AOAH: variants seen among roughly 807,000 people sequenced by gnomAD.
AOAH encodes acyloxyacyl hydrolase.
In AOAH, 64 loss-of-function variants were observed where a neutral mutation model predicts 92.2. That is an observed-to-expected ratio of 0.69 (90% confidence interval 0.57 to 0.86). AOAH has a LOEUF of 0.86. Ranked by LOEUF, AOAH falls within the 40% of genes least tolerant of loss-of-function variation. The probability of loss-of-function intolerance (pLI) is 0.00; values close to 1 mark genes in which losing one functional copy is unlikely to be tolerated. For synonymous variants in AOAH, 263 were observed against 254.5 expected, an observed-to-expected ratio of 1.03 and a Z score of -0.32; for missense variants, 656 against 694.6, an observed-to-expected ratio of 0.94 and a Z score of 0.62.
intron 13 of AOAH, among the ~76,000 whole-genome samples, chr7:36,554,780 C>T (rs1225508581): frequency 6.6e-6 from 1 of 150,906 alleles, no homozygotes; most frequent in African/African-American, 2.4e-5. Context: ...ATTTGGCTCT[C>T]TGTTTGTCTG....
chr7:36,572,584 G>C (rs765561971), intron 13 of AOAH, among the ~76,000 whole-genome samples: 8 of 152,030 alleles, frequency 5.3e-5, no homozygotes, highest in Non-Finnish European at 7.4e-5. Context: ...AAACCACTGA[G>C]TAAATAATAA....
At chr7:36,670,588 C>A (rs1795852516) in intron 3 of AOAH, among the ~76,000 whole-genome samples, 2 of 152,300 alleles carry the variant, frequency 1.3e-5, no homozygotes, top group South Asian at 4.1e-4. Flanking sequence ...GATTCCCCTG[C>A]CTCAAGCTCC....
In AOAH at chr7:36,522,063, G is replaced by A. The variant is rs1257668013; in HGVS notation, c.1575C>T (p.Pro525=). ...RGGQPWQLIE[P]VDGFHPNEVA... ...CCTCGTTGGGGTGGAATCCATCCAC[G>A]GGCTCGATGAGCTGCCAGGGCTGTC... The change falls in exon 20 of 21, where the codon CCC becomes CCT. Residue 525 remains proline, a synonymous_variant. Coordinates refer to ENST00000617537, the MANE Select transcript of AOAH (RefSeq NM_001637.4). 3.1e-6 allele frequency: 5 copies of A among 1,614,006 alleles called. No homozygotes were observed. Among genetic ancestry groups the A allele is most frequent in the African/African-American group, 2.7e-5 (2 of 74,892 alleles).
At chr7:36,700,147 A>G (rs1245347769) in intron 1 of AOAH, among the ~76,000 whole-genome samples, 2 of 151,674 alleles carry the variant, frequency 1.3e-5, no homozygotes, top group African/African-American at 4.8e-5. Context: ...TTTTCCTTTG[A>G]TTTCTTCTTT....
At chr7:36,625,836 T>C (rs1191682753) in intron 6 of AOAH, among the ~76,000 whole-genome samples, 1 of 152,190 alleles carries the variant, frequency 6.6e-6, no homozygotes, top group Non-Finnish European at 1.5e-5. Flanking sequence ...GGAGAGAAGC[T>C]AGGGCAAGAT....
chr7:36,602,478 C>T (rs1225747916), intron 11 of AOAH, among the ~76,000 whole-genome samples: 11 of 146,462 alleles, frequency 7.5e-5, no homozygotes, highest in African/African-American at 2.0e-4. Context: ...GGTGATTGAA[C>T]TTTTTTTTAG....
intron 2 of AOAH, among the ~76,000 whole-genome samples, chr7:36,680,491 C>T (rs1019261420): frequency 6.6e-6 from 1 of 152,142 alleles, no homozygotes; most frequent in African/African-American, 2.4e-5. Context: ...CCTTCTGTCC[C>T]CCATTCACCT....
intron 4 of AOAH, among the ~76,000 whole-genome samples, chr7:36,655,058 T>C (rs986435766): frequency 5.3e-5 from 8 of 152,174 alleles, no homozygotes; most frequent in African/African-American, 1.7e-4. Flanking sequence ...ACCAAGTAAG[T>C]ATGTGCCTGG....
chr7:36,708,266 A>G (rs1798555347), intron 1 of AOAH, among the ~76,000 whole-genome samples: 1 of 152,088 alleles, frequency 6.6e-6, no homozygotes, highest in Non-Finnish European at 1.5e-5. Flanking sequence ...GGTTGGGATA[A>G]TATGTATTGA....
intron 13 of AOAH, among the ~76,000 whole-genome samples, chr7:36,562,423 C>G (rs1787341112): frequency 6.6e-6 from 1 of 152,190 alleles, no homozygotes; most frequent in African/African-American, 2.4e-5. Flanking sequence ...AGTCTATATT[C>G]TGATCCCTGC....
chr7:36,667,035 G>A (rs1237490112), intron 3 of AOAH, among the ~76,000 whole-genome samples: 3 of 152,158 alleles, frequency 2.0e-5, no homozygotes, highest in African/African-American at 4.8e-5. Flanking sequence ...GTATTCTGCT[G>A]TTGTTGGATA....
Position 36,531,719 on chromosome 7 carries a change from G to T in AOAH, c.1425+428C>A, listed in dbSNP as rs17170627. On this transcript the variant is annotated intron_variant, in intron 18 of 20. Transcript: ENST00000617537. The stretch of plus-strand genomic sequence containing the variant: ...TGTAAACCATGTTCTTTGAGCAATG[G>T]ATTCCCTGAGAGAAGGGAGGAAGGT... 7.0e-3 allele frequency among the ~76,000 whole-genome samples: 1,071 copies of T among 152,300 alleles called. 10 individuals are homozygous for T. The highest frequency in any genetic ancestry group is 0.025 in the African/African-American group (1,022 of 41,560).
chr7:36,594,443 A>G lies in AOAH; in HGVS notation c.847-13T>C. 4 of 1,599,512 alleles carry G rather than the reference A, an allele frequency of 2.5e-6. No homozygotes were observed. The highest frequency in any genetic ancestry group is 3.4e-6 in the Non-Finnish European group (4 of 1,166,710). On this transcript the variant is annotated splice_polypyrimidine_tract_variant and intron_variant, in intron 11 of 20. Transcript: ENST00000617537. ...TGATGAAAGAGTTCTAAGGAAAACAATAAAGTAGCAATTATCAAAATGGTC... is the reference window on the plus strand; with the variant it reads ...TGATGAAAGAGTTCTAAGGAAAACAGTAAAGTAGCAATTATCAAAATGGTC...
intron 11 of AOAH, among the ~76,000 whole-genome samples, chr7:36,606,017 A>AT (rs1461697650): frequency 6.6e-6 from 1 of 152,204 alleles, no homozygotes; most frequent in Non-Finnish European, 1.5e-5. Flanking sequence ...AGAAGATGTG[A>AT]TTTTGTCCAG....
At chr7:36,657,527 C>A (rs144228269) in intron 4 of AOAH, among the ~76,000 whole-genome samples, 1 of 152,210 alleles carries the variant, frequency 6.6e-6, no homozygotes, top group African/African-American at 2.4e-5. Context: ...ATGTGTATAC[C>A]CATTGTCCCT....
At chr7:36,633,313 C>T (rs1453343028) in intron 5 of AOAH, among the ~76,000 whole-genome samples, 2 of 152,170 alleles carry the variant, frequency 1.3e-5, no homozygotes, top group African/African-American at 2.4e-5. Flanking sequence ...CATTCTGGTG[C>T]CCACTAAGGC....
At chr7:36,637,202 T>A (rs1245976736) in intron 5 of AOAH, among the ~76,000 whole-genome samples, 2 of 152,172 alleles carry the variant, frequency 1.3e-5, no homozygotes, top group Non-Finnish European at 2.9e-5. Flanking sequence ...GAAACATGAA[T>A]AAAAATTATG....
chr7:36,672,572 C>G (rs532109675), intron 3 of AOAH, among the ~76,000 whole-genome samples: 16 of 152,114 alleles, frequency 1.1e-4, no homozygotes, highest in African/African-American at 3.9e-4. Flanking sequence ...TTGAACAATG[C>G]GAACACATGG....
chr7:36,590,984 A>T (rs1437684296), intron 12 of AOAH, among the ~76,000 whole-genome samples: 1 of 152,238 alleles, frequency 6.6e-6, no homozygotes, highest in African/African-American at 2.4e-5. Context: ...TTTAGCTGTA[A>T]CTACTGCTGG....
Sources: allele counts gnomAD v4.1 joint callset (sites outside exome capture counted in the v4.1 genomes callset), GRCh38; gene constraint gnomAD v4.1.1; transcripts MANE v1.5; gene names NCBI Gene and HGNC (gene_info 2026-07-23, HGNC 2026-07-21).